Variants in SGCZ observed in about 807,000 individuals in gnomAD.
SGCZ encodes sarcoglycan zeta.
A neutral mutation model predicts 41.3 loss-of-function variants in SGCZ; 40 were observed. The ratio of observed to expected loss-of-function variants is 0.97; its 90% CI spans 0.75 to 1.26. The LOEUF is 1.26. SGCZ is among the 50% of genes most tolerant of loss of function. SGCZ has a pLI of 0.00. For missense variants in SGCZ, 552 were observed against 369.8 expected, an observed-to-expected ratio of 1.49 and a Z score of -4.04; for synonymous variants, 206 against 137.5, an observed-to-expected ratio of 1.50 and a Z score of -3.49.
chr8:14,728,643 G>C (rs963627141), intron 1 of SGCZ, among the ~76,000 whole-genome samples: 11 of 151,974 alleles, frequency 7.2e-5, no homozygotes, highest in Non-Finnish European at 1.6e-4. Context: ...GATGAAAATT[G>C]ACACAAAAAA....
intron 1 of SGCZ, among the ~76,000 whole-genome samples, chr8:14,707,752 C>T (rs373008460): frequency 7.9e-5 from 12 of 152,152 alleles, no homozygotes; most frequent in East Asian, 7.7e-4. Flanking sequence ...GGAACAAGCC[C>T]GTCTGGCTAG....
At chr8:15,043,109 A>C (rs201707565) in intron 1 of SGCZ, among the ~76,000 whole-genome samples, 143 of 152,326 alleles carry the variant, frequency 9.4e-4, no homozygotes, top group African/African-American at 3.3e-3. Flanking sequence ...TTACAACAGC[A>C]TCCTCAACCA....
intron 1 of SGCZ, among the ~76,000 whole-genome samples, chr8:14,736,686 CT>C (rs1799044014): frequency 1.3e-5 from 2 of 152,032 alleles, no homozygotes. Context: ...CCTTTGTGTC[CT>C]CATAGCTTAG....
At chr8:14,999,414 G>C (rs1802329952) in intron 1 of SGCZ, among the ~76,000 whole-genome samples, 1 of 152,152 alleles carries the variant, frequency 6.6e-6, no homozygotes. Flanking sequence ...AAGTGAGAAT[G>C]GGTTAGCCAG....
intron 1 of SGCZ, among the ~76,000 whole-genome samples, chr8:14,732,772 TA>T (rs1425287073): frequency 6.6e-6 from 1 of 152,124 alleles, no homozygotes; most frequent in Non-Finnish European, 1.5e-5. Context: ...AGAAGTATTT[TA>T]TAAACTACGA....
chr8:15,237,155 A>T (rs561867024), intron 1 of SGCZ, among the ~76,000 whole-genome samples: 11 of 152,288 alleles, frequency 7.2e-5, no homozygotes, highest in African/African-American at 2.6e-4. Flanking sequence ...GCTGGGGCAC[A>T]GGCGGGATCG....
At chr8:14,144,030 A>C (rs1447318494) in intron 5 of SGCZ, among the ~76,000 whole-genome samples, 1 of 152,134 alleles carries the variant, frequency 6.6e-6, no homozygotes, top group Non-Finnish European at 1.5e-5. Context: ...TGTGTCTCCA[A>C]ATAAACTTAA....
chr8:14,373,101 G>T (rs1464582568), intron 2 of SGCZ, among the ~76,000 whole-genome samples: 3 of 152,076 alleles, frequency 2.0e-5, no homozygotes, highest in Non-Finnish European at 2.9e-5. Flanking sequence ...AAGAAAATGA[G>T]GCTAGGAAAA....
intron 1 of SGCZ, among the ~76,000 whole-genome samples, chr8:15,162,450 C>G (rs1252830308): frequency 6.6e-6 from 1 of 152,152 alleles, no homozygotes; most frequent in Admixed American, 6.5e-5. Flanking sequence ...TCAGAAAGAG[C>G]CATATATCCT....
chr8:14,940,878 T>C (rs1442814704), intron 1 of SGCZ, among the ~76,000 whole-genome samples: 2 of 152,028 alleles, frequency 1.3e-5, no homozygotes, highest in Non-Finnish European at 1.5e-5. Flanking sequence ...AGAGACTACA[T>C]TGTTAACATA....
At chr8:14,320,722 T>C (rs762153294) in intron 3 of SGCZ, among the ~76,000 whole-genome samples, 17 of 152,024 alleles carry the variant, frequency 1.1e-4, no homozygotes, top group East Asian at 1.9e-4. Flanking sequence ...TACTGGAATT[T>C]GAATTATCTG....
At chr8:14,190,607 T>C (rs1342386698) in intron 4 of SGCZ, among the ~76,000 whole-genome samples, 1 of 151,860 alleles carries the variant, frequency 6.6e-6, no homozygotes, top group Admixed American at 6.6e-5. Context: ...CTTAATTTCT[T>C]TTTTTGTTTT....
At chr8:15,186,361 T>G (rs1444285709) in intron 1 of SGCZ, among the ~76,000 whole-genome samples, 1 of 147,536 alleles carries the variant, frequency 6.8e-6, no homozygotes, top group East Asian at 2.0e-4. Context: ...AACGCTGATA[T>G]AAATACTGGC....
chr8:14,979,754 G>T (rs1042238122), intron 1 of SGCZ, among the ~76,000 whole-genome samples: 1 of 152,150 alleles, frequency 6.6e-6, no homozygotes, highest in Non-Finnish European at 1.5e-5. Context: ...TGTTAGACTG[G>T]TTATTAGGAT....
intron 1 of SGCZ, among the ~76,000 whole-genome samples, chr8:15,230,557 T>C (rs1415483728): frequency 6.6e-6 from 1 of 152,232 alleles, no homozygotes; most frequent in African/African-American, 2.4e-5. Flanking sequence ...AAAGGAACTA[T>C]ATAAACTATA....
intron 1 of SGCZ, among the ~76,000 whole-genome samples, chr8:14,917,243 C>G (rs1162329642): frequency 6.6e-6 from 1 of 152,016 alleles, no homozygotes; most frequent in African/African-American, 2.4e-5. Flanking sequence ...ATACAGTGTT[C>G]TATGGACAAT....
intron 7 of SGCZ, among the ~76,000 whole-genome samples, chr8:14,092,531 AC>A (rs1391090249): frequency 6.6e-6 from 1 of 151,776 alleles, no homozygotes; most frequent in Admixed American, 6.6e-5. Flanking sequence ...TTGAATTGTA[AC>A]CCCCATAATT....
chr8:15,024,355 G>C (rs929167624), intron 1 of SGCZ, among the ~76,000 whole-genome samples: 5 of 152,246 alleles, frequency 3.3e-5, no homozygotes, highest in African/African-American at 1.2e-4. Context: ...AATTTGAGGA[G>C]ACACTGCTAA....
intron 1 of SGCZ, among the ~76,000 whole-genome samples, chr8:15,171,795 C>G (rs1585637320): frequency 6.6e-6 from 1 of 152,154 alleles, no homozygotes; most frequent in East Asian, 1.9e-4. Flanking sequence ...TCGGTCTCAC[C>G]TGTAGGGACA....
Sources: gnomAD v4.1 joint callset for allele counts (sites outside exome capture counted in the v4.1 genomes callset) on GRCh38, gnomAD v4.1.1 for gene constraint, MANE v1.5 for transcripts, NCBI Gene and HGNC (gene_info 2026-07-23, HGNC 2026-07-21) for gene names.